The following TRPM8 variants were observed in gnomAD, a reference collection of about 807,000 sequenced individuals.
TRPM8 encodes transient receptor potential cation channel subfamily M member 8, also known as TRPM8 cationic channel.
A neutral mutation model predicts 133.7 loss-of-function variants in TRPM8; 110 were observed. That is an observed-to-expected ratio of 0.82 (90% CI 0.70 to 0.96). The LOEUF is 0.96. Among genes scored for constraint, TRPM8 ranks in the 40% least tolerant of loss-of-function variants. The probability of loss-of-function intolerance (pLI) is 0.00; values close to 1 mark genes in which losing one functional copy is unlikely to be tolerated. For missense variants in TRPM8, 1,291 were observed against 1,379.5 expected (o/e 0.94, Z 1.02); for synonymous variants, 535 against 532.3 (o/e 1.01, Z -0.07).
chr2:233,934,811 G>A lies in TRPM8; in HGVS notation c.192-2542G>A, dbSNP rs1691756906. The stretch of plus-strand genomic sequence containing the variant: ...TGGGAATCCATCTGCTTCTGGACTG[G>A]TCATAAAATTTGCCCATAAAGCAAC... On this transcript the variant is annotated intron_variant, in intron 3 of 25. Transcript: ENST00000324695. Among the ~76,000 whole-genome samples, 5 of 152,336 alleles carry A rather than the reference G, an allele frequency of 3.3e-5. No individual in the cohort carries two copies. The South Asian group carries it at 1.0e-3, about 32-fold the overall frequency.
chr2:233,927,767 T>TTCCTTCC (rs1491553147), intron 2 of TRPM8, among the ~76,000 whole-genome samples: 25 of 67,436 alleles, frequency 3.7e-4, no homozygotes, highest in Admixed American at 1.3e-3. Flanking sequence ...TCTTTCTTTC[T>TTCCTTCC]TTCTTTCTTT....
chr2:233,928,290 C>G (rs1691610008), intron 2 of TRPM8, among the ~76,000 whole-genome samples: 1 of 152,120 alleles, frequency 6.6e-6, no homozygotes. Flanking sequence ...TTTCTTGAGC[C>G]TGCCACTGTG....
At chr2:233,951,049 CAAACA>C (rs1691162129) in intron 9 of TRPM8, among the ~76,000 whole-genome samples, 1 of 151,812 alleles carries the variant, frequency 6.6e-6, no homozygotes, top group Non-Finnish European at 1.5e-5. Flanking sequence ...AACAAACAAA[CAAACA>C]AACAAACAAA....
At position 233,942,661 on chromosome 2, in the gene TRPM8, T is replaced by C; in HGVS notation, c.612T>C (p.Ser204=). 6.2e-7 allele frequency: 1 copy of C among 1,613,548 alleles called. No individual in the cohort carries two copies. The highest frequency in any genetic ancestry group is 1.1e-5 in the South Asian group (1 of 91,044). Residue 204 remains serine, a synonymous_variant, in exon 6 of 26, where the codon AGT becomes AGC. Coordinates refer to ENST00000324695, the MANE Select transcript of TRPM8 (RefSeq NM_024080.5). ...EVVRDNTISR[S]SEENIVAIGI... ...TGAGAGATAACACCATCAGCAGGAGTTCAGAGGAGAATATTGTGGCCATTG... is the reference window on the plus strand; with the variant it reads ...TGAGAGATAACACCATCAGCAGGAGCTCAGAGGAGAATATTGTGGCCATTG...
At chr2:234,005,484 A>G (rs376470403) in intron 22 of TRPM8, among the ~76,000 whole-genome samples, 11 of 152,166 alleles carry the variant, frequency 7.2e-5, no homozygotes, top group Admixed American at 1.3e-4. Context: ...GGACTCTCTC[A>G]TTGATTTTGT....
At chr2:233,996,221 T>C in intron 21 of TRPM8, 105 bp from the exon 22 acceptor site, 1 of 1,032,738 alleles carries the variant, frequency 9.7e-7, no homozygotes, top group South Asian at 1.6e-5. Flanking sequence ...CTGTCTGTAC[T>C]TAAGCTATTG....
intron 3 of TRPM8, among the ~76,000 whole-genome samples, chr2:233,934,894 C>T (rs1263297899): frequency 1.3e-5 from 2 of 152,152 alleles, no homozygotes; most frequent in Non-Finnish European, 2.9e-5. Flanking sequence ...TCACTATTAC[C>T]ATCTTGTAAA....
intron 5 of TRPM8, among the ~76,000 whole-genome samples, chr2:233,940,062 T>TTTC (rs1690867109): frequency 1.3e-5 from 2 of 149,866 alleles, no homozygotes; most frequent in South Asian, 4.2e-4. Context: ...TTTTTTTTTT[T>TTTC]CCTTACATTT....
At chr2:233,949,197 T>C (rs1399079495) in intron 8 of TRPM8, among the ~76,000 whole-genome samples, 1 of 152,184 alleles carries the variant, frequency 6.6e-6, no homozygotes, top group African/African-American at 2.4e-5. Flanking sequence ...CTCTGTGGGC[T>C]TCAATCATGG....
chr2:233,924,062 A>G (rs997613437), intron 1 of TRPM8, among the ~76,000 whole-genome samples: 1 of 152,208 alleles, frequency 6.6e-6, no homozygotes, highest in African/African-American at 2.4e-5. Flanking sequence ...TGTTGAATGC[A>G]ATAAGAAGAC....
At chr2:233,952,469 G>C (rs900961217) in intron 9 of TRPM8, among the ~76,000 whole-genome samples, 1 of 151,882 alleles carries the variant, frequency 6.6e-6, no homozygotes, top group Non-Finnish European at 1.5e-5. Flanking sequence ...TGGGGGCTGG[G>C]GTTGTGGTGG....
rs192859425 is a variant in TRPM8 at position 234,000,957 on chromosome 2, C to T, written c.3130+4441C>T. Among the ~76,000 whole-genome samples the T allele has an allele frequency of 7.2e-5, 11 of 152,240 alleles. No individual in the cohort carries two copies. The East Asian group carries it at 1.2e-3, about 16-fold the overall frequency. ...CCTCCTAAAGTTCCCGGATTATAGG[C>T]GTTAGCTACTGTTCTCAGCCAAACT... On this transcript the variant is annotated intron_variant, in intron 22 of 25. Transcript: ENST00000324695.
chr2:233,939,964 TCGAATTTTGCTAATTATCTCAACAA>T (rs1294437997), intron 5 of TRPM8, among the ~76,000 whole-genome samples: 1 of 152,146 alleles, frequency 6.6e-6, no homozygotes, highest in Non-Finnish European at 1.5e-5. Flanking sequence ...CGGTTCATAC[TCGAATTTTGCTAATTATCTCAACAA>T]GGTCCTTTAG....
intron 22 of TRPM8, among the ~76,000 whole-genome samples, chr2:233,998,355 T>C (rs1692460293): frequency 6.6e-6 from 1 of 152,256 alleles, no homozygotes; most frequent in African/African-American, 2.4e-5. Flanking sequence ...ATATTTTTTC[T>C]GAAGGAAGGG....
intron 12 of TRPM8, among the ~76,000 whole-genome samples, chr2:233,961,421 T>A (rs1691434176): frequency 6.6e-6 from 1 of 152,100 alleles, no homozygotes; most frequent in Non-Finnish European, 1.5e-5. Flanking sequence ...TTCTTCTGCC[T>A]CAGTCTCCTG....
chr2:234,000,869 G>A (rs1443039163), intron 22 of TRPM8, among the ~76,000 whole-genome samples: 1 of 152,182 alleles, frequency 6.6e-6, no homozygotes, highest in Non-Finnish European at 1.5e-5. Flanking sequence ...AGTAGGGACA[G>A]GTTTCGCCAT....
chr2:233,991,199 AT>A (rs1389612767), intron 21 of TRPM8, among the ~76,000 whole-genome samples: 1 of 152,194 alleles, frequency 6.6e-6, no homozygotes, highest in Admixed American at 6.5e-5. Flanking sequence ...ATATTAAAGA[AT>A]TTGGACTTTT....
At chr2:234,006,715 A>G (rs974289031) in intron 22 of TRPM8, 138 bp from the exon 23 acceptor site, 1 of 591,414 alleles carries the variant, frequency 1.7e-6, no homozygotes. Context: ...CTAGGAAGTA[A>G]CATCAGTCAA....
intron 15 of TRPM8, among the ~76,000 whole-genome samples, 190 bp from the exon 16 acceptor site, chr2:233,969,505 A>G (rs1006609029): frequency 4.0e-5 from 6 of 150,222 alleles, no homozygotes; most frequent in South Asian, 2.2e-4. Flanking sequence ...AAAACAAAAA[A>G]CCAAGTTTTA....
Sources: gnomAD v4.1 joint callset for allele counts (sites outside exome capture counted in the v4.1 genomes callset) on GRCh38, gnomAD v4.1.1 for gene constraint, MANE v1.5 for transcripts, NCBI Gene and HGNC (gene_info 2026-07-23, HGNC 2026-07-21) for gene names.